Variants in KCNN2 observed in about 807,000 individuals in gnomAD.
The protein encoded by KCNN2 is potassium calcium-activated channel subfamily N member 2, also known as small conductance calcium-activated potassium channel protein 2.
In KCNN2, 24 loss-of-function variants were observed where a neutral mutation model predicts 55.5. The ratio of observed to expected loss-of-function variants is 0.43; its 90% CI spans 0.31 to 0.61. KCNN2 has a LOEUF of 0.61. Ranked by LOEUF, KCNN2 falls within the 20% of genes least tolerant of loss-of-function variation. The pLI, the probability that KCNN2 is intolerant of heterozygous loss-of-function variation, is 0.08. For synonymous variants in KCNN2, 431 were observed against 336.1 expected (o/e 1.28, Z -3.09); for missense variants, 754 against 853.6 (o/e 0.88, Z 1.45).
chr5:114,475,366 T>G (rs1761919208), intron 5 of KCNN2, among the ~76,000 whole-genome samples: 1 of 151,910 alleles, frequency 6.6e-6, no homozygotes, highest in South Asian at 2.1e-4. Flanking sequence ...CCAGTAGCAC[T>G]ACCCCCAACT....
Position 114,269,300 on chromosome 5 carries a change from G to C in KCNN2, c.-185+47735G>C, listed in dbSNP as rs1755273165. ...ACATAACCACATAAGCTACCCTAAAGGCACTTGGCTTGATATAAGTTTCAC... is the reference window on the plus strand; with the variant it reads ...ACATAACCACATAAGCTACCCTAAACGCACTTGGCTTGATATAAGTTTCAC... On this transcript the variant is annotated intron_variant, in intron 2 of 10. Transcript: ENST00000512097. Among the ~76,000 whole-genome samples the C allele has an allele frequency of 2.0e-5, 3 of 152,098 alleles. No individual in the cohort carries two copies. In the South Asian group the frequency reaches 6.2e-4, roughly 32 times the overall value.
chr5:114,402,169 G>C (rs1311185204), intron 2 of KCNN2, among the ~76,000 whole-genome samples: 1 of 152,156 alleles, frequency 6.6e-6, no homozygotes, highest in African/African-American at 2.4e-5. Flanking sequence ...GATGGAAAAA[G>C]CAACATGTCA....
chr5:114,059,227 A>T (rs1464080166), intron 1 of KCNN2, among the ~76,000 whole-genome samples: 1 of 152,226 alleles, frequency 6.6e-6, no homozygotes, highest in Non-Finnish European at 1.5e-5. Flanking sequence ...ATTTTTATTT[A>T]ACTGCAAGGA....
chr5:114,218,504 G>C (rs560009817), intron 1 of KCNN2, among the ~76,000 whole-genome samples: 26 of 152,288 alleles, frequency 1.7e-4, no homozygotes, highest in African/African-American at 6.0e-4. Context: ...GCTACATACT[G>C]TATGATTCTA....
intron 2 of KCNN2, among the ~76,000 whole-genome samples, chr5:114,286,558 C>T (rs1755758595): frequency 6.6e-6 from 1 of 152,166 alleles, no homozygotes; most frequent in South Asian, 2.1e-4. Flanking sequence ...AGTGCAAGAA[C>T]AGTTAACCTT....
At chr5:114,134,474 T>G (rs529501312) in intron 1 of KCNN2, among the ~76,000 whole-genome samples, 8,388 of 142,712 alleles carry the variant, frequency 0.059, 306 homozygotes, top group Non-Finnish European at 0.067. Flanking sequence ...TTTATTTATT[T>G]ATTTATTTAT....
intron 1 of KCNN2, among the ~76,000 whole-genome samples, chr5:114,086,188 G>A (rs1751012423): frequency 6.6e-6 from 1 of 152,026 alleles, no homozygotes; most frequent in South Asian, 2.1e-4. Context: ...CTTATAGACA[G>A]TATATAGCTG....
At chr5:114,083,722 G>A (rs539408262) in intron 1 of KCNN2, among the ~76,000 whole-genome samples, 2 of 152,164 alleles carry the variant, frequency 1.3e-5, no homozygotes, top group Admixed American at 6.6e-5. Flanking sequence ...AAATTAGGGT[G>A]CACTCTGTGT....
intron 3 of KCNN2, among the ~76,000 whole-genome samples, chr5:114,424,594 C>G (rs1475233120): frequency 6.6e-6 from 1 of 152,168 alleles, no homozygotes; most frequent in African/African-American, 2.4e-5. Flanking sequence ...AAGGAAAACC[C>G]TGGCAGCATT....
Position 114,493,411 on chromosome 5 carries a change from G to C in KCNN2, c.2027G>C (p.Ser676Thr), listed in dbSNP as rs970028461. 6.3e-7 allele frequency: 1 copy of C among 1,592,554 alleles called. No individual in the cohort carries two copies. The highest frequency in any genetic ancestry group is 2.2e-5 in the East Asian group (1 of 44,714). ...KFLQAIHQLR[S>T]VKMEQRKLND... Reference sequence around the variant, plus strand: ...CAGATTCTATCTTTTAGATTAAGAAGTGTAAAAATGGAGCAGAGGAAACTG... The same window carrying C: ...CAGATTCTATCTTTTAGATTAAGAACTGTAAAAATGGAGCAGAGGAAACTG... The change falls in exon 7 of 8, where the codon AGT (serine) becomes ACT (threonine). Residue 676 changes from serine to threonine, a missense_variant. Transcript: ENST00000673685.
At chr5:114,305,197 C>T (rs1380946029) in intron 2 of KCNN2, among the ~76,000 whole-genome samples, 1 of 152,150 alleles carries the variant, frequency 6.6e-6, no homozygotes, top group Non-Finnish European at 1.5e-5. Flanking sequence ...GTAGTCTCCT[C>T]AGCAAGGCTG....
At chr5:114,466,068 C>T in intron 4 of KCNN2, among the ~76,000 whole-genome samples, 1 of 151,648 alleles carries the variant, frequency 6.6e-6, no homozygotes, top group Non-Finnish European at 1.5e-5. Flanking sequence ...TTACCAAGAC[C>T]AATATGGGAA....
chr5:114,267,646 C>T (rs1450257985), intron 2 of KCNN2, among the ~76,000 whole-genome samples: 1 of 152,074 alleles, frequency 6.6e-6, no homozygotes, highest in Non-Finnish European at 1.5e-5. Context: ...AGAACAAGTT[C>T]TGTTTTATTT....
rs1245549186 is a variant in KCNN2, at chr5:114,306,700, C to CTT, written c.-184-54228_-184-54227dup. Among the ~76,000 whole-genome samples the CTT allele has an allele frequency of 7.1e-3, 823 of 115,486 alleles. 9 individuals carry two copies. The highest frequency in any genetic ancestry group is 0.014 in the African/African-American group (433 of 30,166). The allele number at this position is 115,486 out of a possible 152,430, so 75.8% of individuals were successfully genotyped here. ...GTTCACACTTAAATTTTTTTTTTTT[C>CTT]TTTTTTTTTTTTTTTTTTGAGACCA... On this transcript the variant is annotated intron_variant, in intron 2 of 10. Transcript: ENST00000512097.
intron 3 of KCNN2, among the ~76,000 whole-genome samples, chr5:114,440,826 A>G (rs918835299): frequency 8.5e-5 from 8 of 94,244 alleles, no homozygotes; most frequent in African/African-American, 2.2e-4. Context: ...AAGGGAGCAT[A>G]TAACAAACAG....
At chr5:114,317,780 C>G (rs1312065553) in intron 2 of KCNN2, among the ~76,000 whole-genome samples, 1 of 152,214 alleles carries the variant, frequency 6.6e-6, no homozygotes, top group Non-Finnish European at 1.5e-5. Context: ...ATAAAAGTAG[C>G]TTACACATTA....
intron 1 of KCNN2, among the ~76,000 whole-genome samples, chr5:114,218,713 A>T (rs189107515): frequency 6.6e-6 from 1 of 152,194 alleles, no homozygotes; most frequent in East Asian, 1.9e-4. Flanking sequence ...GTAAATACTA[A>T]TGTAAACTAT....
chr5:114,150,397 T>C (rs145426241), intron 1 of KCNN2, among the ~76,000 whole-genome samples: 2,735 of 152,314 alleles, frequency 0.018, 78 homozygotes, highest in African/African-American at 0.062. Flanking sequence ...TAAAACTTTC[T>C]TCACTTCCAT....
intron 1 of KCNN2, among the ~76,000 whole-genome samples, chr5:114,199,873 C>A (rs7719362): frequency 0.03 from 4,550 of 152,128 alleles, 232 homozygotes; most frequent in African/African-American, 0.1. Flanking sequence ...CTGAAAGTTT[C>A]CTGTTAGTCT....
Sources: gnomAD v4.1 joint callset for allele counts (sites outside exome capture counted in the v4.1 genomes callset) on GRCh38, gnomAD v4.1.1 for gene constraint, MANE v1.5 for transcripts, NCBI Gene and HGNC (gene_info 2026-07-23, HGNC 2026-07-21) for gene names.